C8A: variants seen among roughly 807,000 people sequenced by gnomAD.
The protein encoded by C8A is complement C8 alpha chain.
In C8A, 67 loss-of-function variants were observed where a neutral mutation model predicts 65.3. That is an observed-to-expected ratio of 1.03 (90% CI 0.84 to 1.26). The LOEUF is 1.26. Among genes scored for constraint, C8A ranks in the 50% most tolerant of loss-of-function variants. C8A has a pLI of 0.00. For missense variants in C8A, 781 were observed against 723.9 expected, an observed-to-expected ratio of 1.08 and a Z score of -0.90; for synonymous variants, 290 against 259.4, an observed-to-expected ratio of 1.12 and a Z score of -1.13.
At chr1:56,865,812 T>C (rs1644080350) in intron 1 of C8A, among the ~76,000 whole-genome samples, 1 of 152,198 alleles carries the variant, frequency 6.6e-6, no homozygotes, top group African/African-American at 2.4e-5. Context: ...ACGAGATCAC[T>C]GGTGATATTA....
Position 56,912,522 on chromosome 1 carries a change from G to T in C8A, c.1500G>T (p.Gly500=). ...YLMEFNACRC[G]PCFNNGVPIL... ...TGGAATTCAATGCCTGCCGATGTGG[G>T]CCTTGCTTCAACAATGGGGTGCCCA... The change falls in exon 10 of 11, where the codon GGG becomes GGT. Residue 500 remains glycine (G), a synonymous_variant. Transcript: ENST00000361249. The T allele has an allele frequency of 6.2e-7, 1 of 1,614,210 alleles. No individual in the cohort carries two copies. The highest frequency in any genetic ancestry group is 2.2e-5 in the East Asian group (1 of 44,878).
At chr1:56,911,318 T>C (rs1644504420) in intron 9 of C8A, among the ~76,000 whole-genome samples, 1 of 152,172 alleles carries the variant, frequency 6.6e-6, no homozygotes, top group Admixed American at 6.5e-5. Flanking sequence ...TTCCCCTATA[T>C]CATCTCCCTT....
rs1202351459 is a variant in C8A, at chr1:56,865,471, G to A, written c.78-2138G>A. On this transcript the variant is annotated intron_variant, in intron 1 of 10. Coordinates refer to ENST00000361249, the MANE Select transcript of C8A (RefSeq NM_000562.3). ...TAATGAGGGCACTAATTCCATTCAT[G>A]AGGGCTTCACCCTCGTGACTTAGTC... Among the ~76,000 whole-genome samples, 3 of 152,300 alleles carry A rather than the reference G, an allele frequency of 2.0e-5. No individual in the cohort carries two copies. The East Asian group carries it at 5.8e-4, about 29-fold the overall frequency.
chr1:56,908,898 C>A (rs1644486845), intron 9 of C8A, among the ~76,000 whole-genome samples: 1 of 152,204 alleles, frequency 6.6e-6, no homozygotes, highest in African/African-American at 2.4e-5. Context: ...GGGCAGTTTT[C>A]CTCCACAGAG....
intron 10 of C8A, among the ~76,000 whole-genome samples, chr1:56,914,676 T>C (rs1188993270): frequency 6.6e-6 from 1 of 152,094 alleles, no homozygotes; most frequent in African/African-American, 2.4e-5. Flanking sequence ...GTTTTTGTTT[T>C]TCTTTTGAGA....
chr1:56,900,508 A>C (rs996000665), intron 7 of C8A, among the ~76,000 whole-genome samples: 12 of 152,174 alleles, frequency 7.9e-5, no homozygotes, highest in African/African-American at 2.9e-4. Context: ...CTGACCCCAG[A>C]GGTTACACTC....
chr1:56,906,542 G>A, intron 7 of C8A, 125 bp from the exon 8 acceptor site: 1 of 1,045,360 alleles, frequency 9.6e-7, no homozygotes, highest in South Asian at 1.3e-5. Context: ...AAAGAACCGG[G>A]CTTTCAACCC....
chr1:56,875,513 G>A (rs1644189845), intron 3 of C8A, among the ~76,000 whole-genome samples: 1 of 152,096 alleles, frequency 6.6e-6, no homozygotes, highest in South Asian at 2.1e-4. Flanking sequence ...ATGGCCTAGT[G>A]GGTCTTTCTA....
chr1:56,906,646 TTC>T lies in C8A; in HGVS notation c.1097-17_1097-16del. ...CTTTTAATAACTCAGCATTTTGTGT[TTC>T]TCTGTCTCCCTGTTGCAGGTATTAC... On this transcript the variant is annotated intron_variant, in intron 7 of 10. Transcript: ENST00000361249. 1 of 1,613,934 alleles carries T rather than the reference TTC, an allele frequency of 6.2e-7. No homozygotes were observed. Among genetic ancestry groups the T allele is most frequent in the Non-Finnish European group, 8.5e-7 (1 of 1,179,832 alleles).
chr1:56,892,387 A>G (rs1181230297), intron 7 of C8A, among the ~76,000 whole-genome samples: 4 of 152,118 alleles, frequency 2.6e-5, no homozygotes, highest in African/African-American at 9.7e-5. Context: ...CCTCATTTTT[A>G]CAGATGAAGG....
chr1:56,885,784 T>G, intron 6 of C8A, 143 bp from the exon 7 acceptor site: 1 of 1,075,282 alleles, frequency 9.3e-7, no homozygotes, highest in African/African-American at 1.6e-5. Flanking sequence ...TCTCCTGACC[T>G]TGTGATCCTC....
intron 7 of C8A, among the ~76,000 whole-genome samples, chr1:56,893,661 G>A (rs1255380803): frequency 1.3e-5 from 2 of 152,112 alleles, no homozygotes; most frequent in Non-Finnish European, 2.9e-5. Context: ...GTGTAATCAT[G>A]GGCAGATAAT....
In C8A at chr1:56,854,933, T is replaced by C. The variant is rs1260995318; in HGVS notation, c.32T>C (p.Leu11Ser). Residue 11 changes from leucine (L) to serine (S), a missense_variant, in exon 1 of 11, where the codon TTG becomes TCG. Transcript: ENST00000361249. MFAVVFFILS[L>S]MTCQPGVTAQ... ...GCTGTTGTTTTCTTCATCTTGTCTT[T>C]GATGACTTGTCAGCCTGGGGTAACT... 3 of 1,613,876 alleles carry C rather than the reference T, an allele frequency of 1.9e-6. No homozygotes were observed. The highest frequency in any genetic ancestry group is 2.5e-6 in the Non-Finnish European group (3 of 1,179,894).
rs772353770 is a variant in C8A at position 56,912,478 on chromosome 1, G to A, written c.1456G>A (p.Ala486Thr). The stretch of plus-strand genomic sequence containing the variant: ...GGCCAAGCGCCAGAACCTGCGCCGC[G>A]CCTTGGACCAGTATCTGATGGAATT... ...LEAKRQNLRR[A>T]LDQYLMEFNA... The change falls in exon 10 of 11, where the codon GCC becomes ACC. Residue 486 changes from alanine to threonine, a missense_variant. Coordinates refer to ENST00000361249, the MANE Select transcript of C8A (RefSeq NM_000562.3). 60 of 1,614,198 alleles carry A rather than the reference G, an allele frequency of 3.7e-5. 1 individual carries two copies. Among genetic ancestry groups the A allele is most frequent in the South Asian group, 3.1e-4 (28 of 91,080 alleles).
Position 56,906,719 on chromosome 1 carries a change from A to G in C8A, c.1149A>G (p.Gln383=), listed in dbSNP as rs1553177620. 6 of 1,614,158 alleles carry G rather than the reference A, an allele frequency of 3.7e-6. No individual in the cohort carries two copies. Among genetic ancestry groups the G allele is most frequent in the South Asian group, 2.2e-5 (2 of 91,090 alleles). Residue 383 remains glutamine (Q), a synonymous_variant, in exon 8 of 11, where the codon CAA becomes CAG. Coordinates refer to ENST00000361249, the MANE Select transcript of C8A (RefSeq NM_000562.3). The part of the protein sequence containing the change: ...TTCFGGSLGI[Q]YEDKINVGGG... The stretch of plus-strand genomic sequence containing the variant: ...GTTTTGGAGGCTCCTTGGGCATTCA[A>G]TATGAAGACAAAATAAATGTTGGTG...
intron 1 of C8A, among the ~76,000 whole-genome samples, chr1:56,866,073 T>C (rs982653947): frequency 6.6e-6 from 1 of 152,208 alleles, no homozygotes; most frequent in Non-Finnish European, 1.5e-5. Context: ...TTTCATGTAA[T>C]ACCAAAGGAG....
chr1:56,869,952 T>A (rs1473927588), intron 2 of C8A, among the ~76,000 whole-genome samples: 1 of 152,180 alleles, frequency 6.6e-6, no homozygotes, highest in Non-Finnish European at 1.5e-5. Flanking sequence ...AGCTAGTAAG[T>A]GGCAGAAACA....
At chr1:56,886,287 C>T in intron 7 of C8A, 120 bp downstream of exon 7, 1 of 1,157,252 alleles carries the variant, frequency 8.6e-7, no homozygotes, top group Non-Finnish European at 1.3e-6. Flanking sequence ...TAGGACAACT[C>T]TATAGGATAG....
chr1:56,915,874 G>GT (rs1203891967), intron 10 of C8A, among the ~76,000 whole-genome samples: 1 of 152,208 alleles, frequency 6.6e-6, no homozygotes, highest in African/African-American at 2.4e-5. Context: ...GACAACTTCA[G>GT]TAAGTATCAT....
Sources: gnomAD v4.1 joint callset for allele counts (sites outside exome capture counted in the v4.1 genomes callset) on GRCh38, gnomAD v4.1.1 for gene constraint, MANE v1.5 for transcripts, NCBI Gene and HGNC (gene_info 2026-07-23, HGNC 2026-07-21) for gene names.